MAP3K21: variants seen among roughly 807,000 people sequenced by gnomAD.
MAP3K21 encodes the protein mitogen-activated protein kinase kinase kinase MLK4.
A neutral mutation model predicts 86.1 loss-of-function variants in MAP3K21; 63 were observed. The observed-to-expected ratio is 0.73, with a 90% CI of 0.60 to 0.90. The LOEUF (loss-of-function observed/expected upper bound fraction) is 0.90, where lower values mean the gene tolerates loss of function less well. MAP3K21 is among the 40% of genes least tolerant of loss of function. The pLI is 0.00. For synonymous variants in MAP3K21, 558 were observed against 564.8 expected (o/e 0.99, Z 0.17); for missense variants, 1,220 against 1,367.7 (o/e 0.89, Z 1.70).
Position 233,327,982 on chromosome 1 carries a change from AG to A in MAP3K21, c.-45del. 8.1e-7 allele frequency: 1 copy of A among 1,234,730 alleles called. No homozygotes were observed. Among genetic ancestry groups the A allele is most frequent in the Non-Finnish European group, 1.0e-6 (1 of 990,044 alleles). The allele number at this position is 1,234,730 out of a possible 1,614,324, so 76.5% of individuals were successfully genotyped here. ...CGATGCGCGCCCGCGGCCGCCCGGG[AG>A]GCTGAGCCCAGCTTCCCGCTCCGCC... is the stretch of plus-strand genomic sequence containing the variant. On this transcript the variant is annotated 5_prime_UTR_variant, in exon 1 of 10. An upstream open reading frame in the 5' UTR loses its in-frame stop. Transcript: ENST00000366624.
chr1:233,345,907 G>A (rs1336857505), intron 1 of MAP3K21, among the ~76,000 whole-genome samples: 2 of 152,038 alleles, frequency 1.3e-5, no homozygotes, highest in Non-Finnish European at 2.9e-5. Flanking sequence ...GATGACCACT[G>A]TGTTTACTTT....
At chr1:233,329,627 C>G (rs1662774329) in intron 1 of MAP3K21, among the ~76,000 whole-genome samples, 1 of 151,346 alleles carries the variant, frequency 6.6e-6, no homozygotes, top group Non-Finnish European at 1.5e-5. Context: ...GCACTCCAGC[C>G]TAGGAGATAG....
intron 1 of MAP3K21, among the ~76,000 whole-genome samples, chr1:233,333,373 G>A (rs1389666371): frequency 6.6e-6 from 1 of 152,150 alleles, no homozygotes; most frequent in Non-Finnish European, 1.5e-5. Context: ...GTTAGTGAAA[G>A]ATTAGACTTT....
At chr1:233,343,038 C>T (rs1663067746) in intron 1 of MAP3K21, among the ~76,000 whole-genome samples, 1 of 152,156 alleles carries the variant, frequency 6.6e-6, no homozygotes, top group South Asian at 2.1e-4. Context: ...GTATCAATTA[C>T]TTACCTAATA....
chr1:233,328,618 G>A lies in MAP3K21; in HGVS notation c.590G>A (p.Cys197Tyr), dbSNP rs1244225274. The stretch of plus-strand genomic sequence containing the variant: ...GTGTGCCTGCAGCAGCCGCACCTCT[G>A]CCTGGTGCTGGAGTTCGCCCGCGGC... ...RGVCLQQPHL[C>Y]LVLEFARGGA... Residue 197 changes from cysteine (C) to tyrosine (Y), a missense_variant, in exon 1 of 10, where the codon TGC becomes TAC. By Grantham distance (194) the Cys-to-Tyr change is radical. Around this residue, in one of 5 missense-constraint regions of MAP3K21, gnomAD observed 369 missense variants for 385.3 expected, o/e 0.96. Coordinates refer to ENST00000366624, the MANE Select transcript of MAP3K21 (RefSeq NM_032435.3). The surrounding 1 kb of genome is among the most constrained non-coding windows in gnomAD (Gnocchi z 8.7). 5 of 1,495,764 alleles carry A rather than the reference G, an allele frequency of 3.3e-6. No homozygotes were observed. Among genetic ancestry groups the A allele is most frequent in the South Asian group, 2.5e-5 (2 of 79,596 alleles). 92.7% of individuals were successfully genotyped at this position (1,495,764 alleles called of 1,614,324 possible). A position where few individuals can be genotyped will look rare whatever the true frequency, so the allele number is the denominator to read the frequency against.
intron 5 of MAP3K21, among the ~76,000 whole-genome samples, chr1:233,365,712 A>T (rs949988905): frequency 6.6e-6 from 1 of 152,216 alleles, no homozygotes. Flanking sequence ...GATCATTTTA[A>T]ATCTTATGGC....
Position 233,373,004 on chromosome 1 carries a change from C to T in MAP3K21, c.1675+844C>T, listed in dbSNP as rs190161094. 16 of 151,966 alleles carry T rather than the reference C, an allele frequency of 1.1e-4. No individual in the cohort carries two copies. The East Asian group carries it at 3.1e-3, about 29-fold the overall frequency. 9.4% of individuals were successfully genotyped at this position (151,966 alleles called of 1,614,324 possible). ...TTGTCTAATGAGGCTTGCATGGAAT[C>T]TCATTTTTTTTTCCTCTTTTGATAA... On this transcript the variant is annotated intron_variant, in intron 6 of 9. Coordinates refer to ENST00000366624, the MANE Select transcript of MAP3K21 (RefSeq NM_032435.3).
intron 4 of MAP3K21, among the ~76,000 whole-genome samples, chr1:233,360,611 T>A (rs1030160484): frequency 6.6e-6 from 1 of 152,252 alleles, no homozygotes; most frequent in Non-Finnish European, 1.5e-5. Flanking sequence ...TAGCTCTCCC[T>A]AGTCTCTTCG....
At position 233,383,689 on chromosome 1, in the gene MAP3K21, G is replaced by A. The variant is rs757077184; in HGVS notation, c.*978G>A. ...TCTTAATTTTATTTTCTCTATTTGA[G>A]TGCATAATTATCCTAATAATCCCAA... On this transcript the variant is annotated 3_prime_UTR_variant, in exon 10 of 10. Coordinates refer to ENST00000366624, the MANE Select transcript of MAP3K21 (RefSeq NM_032435.3). 2.6e-5 allele frequency: 4 copies of A among 152,066 alleles called. No homozygotes were observed. Among genetic ancestry groups the A allele is most frequent in the Non-Finnish European group, 5.9e-5 (4 of 68,006 alleles). 9.4% of individuals were successfully genotyped at this position (152,066 alleles called of 1,614,324 possible).
At chr1:233,377,986 T>A (rs909521898) in intron 8 of MAP3K21, among the ~76,000 whole-genome samples, 11 of 152,186 alleles carry the variant, frequency 7.2e-5, no homozygotes, top group African/African-American at 2.7e-4. Flanking sequence ...GCTCAGGTGG[T>A]AATGTGAGCA....
At chr1:233,341,815 T>A (rs1376599151) in intron 1 of MAP3K21, among the ~76,000 whole-genome samples, 1 of 152,166 alleles carries the variant, frequency 6.6e-6, no homozygotes, top group Non-Finnish European at 1.5e-5. Context: ...TGGAGGTTTG[T>A]AAGAATGAGG....
At chr1:233,348,450 T>C (rs965282204) in intron 2 of MAP3K21, among the ~76,000 whole-genome samples, 1 of 152,252 alleles carries the variant, frequency 6.6e-6, no homozygotes, top group Non-Finnish European at 1.5e-5. Context: ...CAAACATTCC[T>C]GAACACATTT....
intron 9 of MAP3K21, among the ~76,000 whole-genome samples, chr1:233,381,643 A>G (rs1254425598): frequency 6.6e-6 from 1 of 152,138 alleles, no homozygotes; most frequent in Non-Finnish European, 1.5e-5. Context: ...CTGTAGGTCA[A>G]TAAGTATTGG....
chr1:233,328,586 G>A lies in MAP3K21; in HGVS notation c.558G>A (p.Leu186=). 1 of 1,521,192 alleles carries A rather than the reference G, an allele frequency of 6.6e-7. No individual in the cohort carries two copies. Among genetic ancestry groups the A allele is most frequent in the Middle Eastern group, 2.1e-4 (1 of 4,840 alleles). 94.2% of individuals were successfully genotyped at this position (1,521,192 alleles called of 1,614,324 possible). Residue 186 remains leucine, a synonymous_variant, in exon 1 of 10, where the codon CTG becomes CTA. Transcript: ENST00000366624. This position sits in a 1 kb window ranked among gnomAD's most constrained non-coding sequence, Gnocchi z 8.7. Reference sequence around the variant, plus strand: ...TGCGGCACCCCAACATCATCGAGCTGCGCGGCGTGTGCCTGCAGCAGCCGC... The same window carrying A: ...TGCGGCACCCCAACATCATCGAGCTACGCGGCGTGTGCCTGCAGCAGCCGC... ...AMLRHPNIIE[L]RGVCLQQPHL...
intron 8 of MAP3K21, among the ~76,000 whole-genome samples, chr1:233,377,408 C>G (rs1296602312): frequency 1.3e-5 from 2 of 152,186 alleles, no homozygotes; most frequent in East Asian, 3.9e-4. Context: ...GTACTGTGCT[C>G]AATTTCACAA....
At chr1:233,343,120 C>T (rs1259655597) in intron 1 of MAP3K21, among the ~76,000 whole-genome samples, 1 of 152,148 alleles carries the variant, frequency 6.6e-6, no homozygotes, top group African/African-American at 2.4e-5. Flanking sequence ...CCTCCAATTG[C>T]ATTAGCTCCT....
rs955532106 is a variant in MAP3K21 at position 233,362,084 on chromosome 1, G to C, written c.1343G>C (p.Arg448Pro). 1 of 1,612,708 alleles carries C rather than the reference G, an allele frequency of 6.2e-7. No individual in the cohort carries two copies. Among genetic ancestry groups the C allele is most frequent in the African/African-American group, 1.3e-5 (1 of 74,912 alleles). The change falls in exon 5 of 10, where the codon CGG becomes CCG. Residue 448 changes from arginine to proline, a missense_variant. Transcript: ENST00000366624. Reference protein sequence around the residue: ...ELRSREEELTRAALQQKSQEE... With the variant: ...ELRSREEELTPAALQQKSQEE... ...CGATCCCGGGAAGAGGAGCTGACTC[G>C]GGCGGCTCTGCAGCAGAAGTCTCAG...
At chr1:233,333,636 G>A (rs974371801) in intron 1 of MAP3K21, among the ~76,000 whole-genome samples, 2 of 151,598 alleles carry the variant, frequency 1.3e-5, no homozygotes, top group Non-Finnish European at 2.9e-5. Flanking sequence ...TTTTGTAGTT[G>A]TGAGGGGTAT....
intron 1 of MAP3K21, among the ~76,000 whole-genome samples, chr1:233,344,408 G>A (rs1204008666): frequency 6.6e-6 from 1 of 152,054 alleles, no homozygotes; most frequent in African/African-American, 2.4e-5. Context: ...ACAGAACAGA[G>A]GCCTCAGAAA....
Sources: gnomAD v4.1 joint callset for allele counts (sites outside exome capture counted in the v4.1 genomes callset) on GRCh38, gnomAD v4.1.1 for gene constraint, gnomAD v4.1.1 regional missense constraint, Gnocchi (gnomAD v3.1) non-coding constraint, MANE v1.5 for transcripts, NCBI Gene and HGNC (gene_info 2026-07-23, HGNC 2026-07-21) for gene names.